Variants in PTPRN2 observed in about 807,000 individuals in gnomAD.
PTPRN2 encodes protein tyrosine phosphatase receptor type N2.
PTPRN2 carries 74 observed loss-of-function variants against 118.8 expected under a neutral mutation model. The ratio of observed to expected loss-of-function variants is 0.62; its 90% CI spans 0.52 to 0.76. The LOEUF is 0.76. PTPRN2 is among the 30% of genes least tolerant of loss of function. The pLI, the probability that PTPRN2 is intolerant of heterozygous loss-of-function variation, is 0.00. For synonymous variants in PTPRN2, 641 were observed against 608.0 expected, an observed-to-expected ratio of 1.05 and a Z score of -0.80; for missense variants, 1,481 against 1,394.4, an observed-to-expected ratio of 1.06 and a Z score of -0.99.
chr7:158,335,288 CATAA>C (rs1805348224), intron 2 of PTPRN2, among the ~76,000 whole-genome samples: 1 of 15,354 alleles, frequency 6.5e-5, no homozygotes, highest in Non-Finnish European at 2.1e-4. Flanking sequence ...ACACTGTCAC[CATAA>C]GAGCTGAGGC....
rs1367238320 is a variant in PTPRN2, at chr7:158,390,430, T to A, written c.164-73498A>T. On this transcript the variant is annotated intron_variant, in intron 2 of 22. Transcript: ENST00000389418. The stretch of plus-strand genomic sequence containing the variant: ...AAGTGGAATCAGCAGCCAGACGGAG[T>A]TATGAGGTGAGACCTGCGGAGTCTC... 3.3e-5 allele frequency among the ~76,000 whole-genome samples: 5 copies of A among 152,024 alleles called. No homozygotes were observed. In the East Asian group the frequency reaches 7.7e-4, roughly 23 times the overall value.
At position 158,348,325 on chromosome 7, in the gene PTPRN2, C is replaced by A. The variant is rs112271746; in HGVS notation, c.164-31393G>T. 3.9e-3 allele frequency among the ~76,000 whole-genome samples: 261 copies of A among 66,538 alleles called. 2 individuals carry two copies. Among genetic ancestry groups the A allele is most frequent in the East Asian group, 0.01 (22 of 2,176 alleles). The allele number at this position is 66,538 out of a possible 152,430, so 43.7% of individuals were successfully genotyped here. A position where few individuals can be genotyped will look rare whatever the true frequency, so the allele number is the denominator to read the frequency against. On this transcript the variant is annotated intron_variant, in intron 2 of 22. Coordinates refer to ENST00000389418, the MANE Select transcript of PTPRN2 (RefSeq NM_002847.5). The stretch of plus-strand genomic sequence containing the variant: ...TTCCCCATTCACAGCCCCAGAGCCA[C>A]CCTGGGGTCCCCATTCACAGCCCCA...
intron 1 of PTPRN2, among the ~76,000 whole-genome samples, chr7:158,587,084 C>T (rs1000506011): frequency 6.6e-6 from 1 of 151,926 alleles, no homozygotes; most frequent in Admixed American, 6.5e-5. Flanking sequence ...CCCCGAGACC[C>T]CCGGAGCCCC....
chr7:157,817,768 TGA>T (rs1188499914), intron 12 of PTPRN2, among the ~76,000 whole-genome samples: 23 of 152,102 alleles, frequency 1.5e-4, no homozygotes, highest in African/African-American at 5.6e-4. Context: ...GTGTAATGTG[TGA>T]GAGACGTGTG....
chr7:157,937,528 C>A (rs965105155), intron 11 of PTPRN2, among the ~76,000 whole-genome samples: 1 of 152,212 alleles, frequency 6.6e-6, no homozygotes, highest in Admixed American at 6.5e-5. Context: ...AAGCCGTGTG[C>A]GGTGTGGCTT....
intron 10 of PTPRN2, among the ~76,000 whole-genome samples, chr7:158,104,610 C>T (rs747259012): frequency 1.1e-4 from 16 of 152,110 alleles, no homozygotes; most frequent in African/African-American, 3.9e-4. Flanking sequence ...CCAACAACCA[C>T]CCATGATCAC....
rs1361789098 is a variant in PTPRN2 at position 158,365,861 on chromosome 7, C to CACACACACAG, written c.164-48930_164-48929insCTGTGTGTGT. ...GCACACACACACACCCACACACACA[C>CACACACACAG]AGCATCCCTGGGAGAAGCCGCAGCC... On this transcript the variant is annotated intron_variant, in intron 2 of 22. Coordinates refer to ENST00000389418, the MANE Select transcript of PTPRN2 (RefSeq NM_002847.5). Among the ~76,000 whole-genome samples the CACACACACAG allele has an allele frequency of 2.5e-4, 36 of 146,568 alleles. 2 individuals carry two copies. The South Asian group carries it at 8.0e-3, about 33-fold the overall frequency.
chr7:158,380,875 C>T (rs1293932486), intron 2 of PTPRN2, among the ~76,000 whole-genome samples: 1 of 152,258 alleles, frequency 6.6e-6, no homozygotes, highest in Non-Finnish European at 1.5e-5. Context: ...GACTTCTGTG[C>T]ACCTGCAGGC....
At chr7:158,064,042 A>G (rs1347349257) in intron 11 of PTPRN2, among the ~76,000 whole-genome samples, 3 of 152,222 alleles carry the variant, frequency 2.0e-5, no homozygotes, top group Non-Finnish European at 4.4e-5. Flanking sequence ...GCTCAGTGAG[A>G]TACCACAATT....
At position 158,166,309 on chromosome 7, in the gene PTPRN2, C is replaced by A. The variant is rs75624738; in HGVS notation, c.910+622G>T. On this transcript the variant is annotated intron_variant, in intron 6 of 22. Coordinates refer to ENST00000389418, the MANE Select transcript of PTPRN2 (RefSeq NM_002847.5). The stretch of plus-strand genomic sequence containing the variant: ...CCCTCAGGATCATCTCCTCCTCCCC[C>A]CCGGCCGCCGCGTTCCCTGTCCTCA... Among the ~76,000 whole-genome samples, 142 of 23,332 alleles carry A rather than the reference C, an allele frequency of 6.1e-3. 1 individual carries two copies. The highest frequency in any genetic ancestry group is 7.8e-3 in the Non-Finnish European group (77 of 9,852). The allele number at this position is 23,332 out of a possible 152,430, so 15.3% of individuals were successfully genotyped here. A position where few individuals can be genotyped will look rare whatever the true frequency, so the allele number is the denominator to read the frequency against.
At chr7:157,988,800 CACCCTGGGCAGGGCT>C (rs1205913908) in intron 11 of PTPRN2, among the ~76,000 whole-genome samples, 1 of 152,222 alleles carries the variant, frequency 6.6e-6, no homozygotes. Context: ...TGCTGGGCTG[CACCCTGGGCAGGGCT>C]GCTCTGGGCA....
At chr7:158,497,608 G>C (rs919872631) in intron 1 of PTPRN2, among the ~76,000 whole-genome samples, 2 of 152,218 alleles carry the variant, frequency 1.3e-5, no homozygotes, top group African/African-American at 4.8e-5. Flanking sequence ...TCAGAGAGCA[G>C]GAAGATGGGT....
chr7:158,131,935 A>G (rs1001081259), intron 9 of PTPRN2, among the ~76,000 whole-genome samples: 7 of 151,906 alleles, frequency 4.6e-5, no homozygotes, highest in Non-Finnish European at 7.4e-5. Flanking sequence ...TACCCGACAC[A>G]CATACACACA....
intron 3 of PTPRN2, among the ~76,000 whole-genome samples, chr7:158,288,452 C>T (rs575402502): frequency 5.9e-5 from 9 of 152,200 alleles, no homozygotes; most frequent in African/African-American, 2.4e-5. Context: ...TTTGGCATAT[C>T]TACTAAGGTT....
At chr7:157,558,821 A>G (rs570318184) in intron 21 of PTPRN2, among the ~76,000 whole-genome samples, 1 of 152,142 alleles carries the variant, frequency 6.6e-6, no homozygotes, top group East Asian at 1.9e-4. Flanking sequence ...GGTCCCTCTG[A>G]GTCTATTTTG....
chr7:157,942,652 T>C (rs1164439207), intron 11 of PTPRN2, among the ~76,000 whole-genome samples: 1 of 151,954 alleles, frequency 6.6e-6, no homozygotes, highest in Non-Finnish European at 1.5e-5. Flanking sequence ...ATCGCAAGTG[T>C]CTAAAAATGA....
At chr7:158,149,479 A>T (rs546023773) in intron 6 of PTPRN2, among the ~76,000 whole-genome samples, 2 of 152,258 alleles carry the variant, frequency 1.3e-5, no homozygotes, top group South Asian at 2.1e-4. Flanking sequence ...ATCTCTAACA[A>T]AGGCAATCCA....
intron 13 of PTPRN2, among the ~76,000 whole-genome samples, chr7:157,659,321 C>CG (rs1339450327): frequency 2.5e-5 from 2 of 79,916 alleles, no homozygotes; most frequent in African/African-American, 1.0e-4. Flanking sequence ...GGGATGACCC[C>CG]GGGGACTGGG....
At chr7:158,150,256 G>T (rs757698924) in intron 6 of PTPRN2, among the ~76,000 whole-genome samples, 1 of 152,358 alleles carries the variant, frequency 6.6e-6, no homozygotes, top group East Asian at 1.9e-4. Context: ...ATTCATGAGA[G>T]ATTTTTAAAC....
Sources: allele counts gnomAD v4.1 joint callset (sites outside exome capture counted in the v4.1 genomes callset), GRCh38; gene constraint gnomAD v4.1.1; transcripts MANE v1.5; gene names NCBI Gene and HGNC (gene_info 2026-07-23, HGNC 2026-07-21).